Variants in MAGI2 observed in about 807,000 individuals in gnomAD.
MAGI2 encodes membrane associated guanylate kinase, WW and PDZ domain containing 2.
A neutral mutation model predicts 133.3 loss-of-function variants in MAGI2; 35 were observed. The ratio of observed to expected loss-of-function variants is 0.26; its 90% CI spans 0.20 to 0.35. The LOEUF (loss-of-function observed/expected upper bound fraction) is 0.35, where lower values mean the gene tolerates loss of function less well. MAGI2 is among the 10% of genes least tolerant of loss of function. The probability of loss-of-function intolerance (pLI) is 1.00; values close to 1 mark genes in which losing one functional copy is unlikely to be tolerated. For missense variants in MAGI2, 1,636 were observed against 1,863.4 expected (o/e 0.88, Z 2.25); for synonymous variants, 729 against 710.6 (o/e 1.03, Z -0.41).
intron 2 of MAGI2, among the ~76,000 whole-genome samples, chr7:78,981,237 G>C (rs887309857): frequency 1.3e-5 from 2 of 151,494 alleles, no homozygotes; most frequent in Non-Finnish European, 3.0e-5. Flanking sequence ...TTTTTACCTA[G>C]TGTCTCCTTC....
At chr7:78,378,985 A>G (rs1230265524) in intron 6 of MAGI2, among the ~76,000 whole-genome samples, 1 of 152,090 alleles carries the variant, frequency 6.6e-6, no homozygotes, top group Admixed American at 6.6e-5. Flanking sequence ...TTTAAAATTG[A>G]CAATTGAATA....
intron 6 of MAGI2, among the ~76,000 whole-genome samples, chr7:78,431,024 C>T (rs1220401335): frequency 1.3e-5 from 2 of 151,658 alleles, no homozygotes; most frequent in Non-Finnish European, 2.9e-5. Context: ...GTATTATAGA[C>T]TTATAGCTTC....
intron 2 of MAGI2, among the ~76,000 whole-genome samples, chr7:78,783,542 A>G (rs1211352864): frequency 6.6e-6 from 1 of 152,246 alleles, no homozygotes; most frequent in Non-Finnish European, 1.5e-5. Context: ...ATGTTTTTAA[A>G]TTGGTTTCTA....
intron 6 of MAGI2, among the ~76,000 whole-genome samples, chr7:78,471,308 T>G (rs1222976580): frequency 6.6e-6 from 1 of 152,138 alleles, no homozygotes; most frequent in Non-Finnish European, 1.5e-5. Context: ...GATTTAATTT[T>G]CAATGCCTTC....
chr7:78,844,815 G>A (rs775062944), intron 2 of MAGI2, among the ~76,000 whole-genome samples: 5 of 150,924 alleles, frequency 3.3e-5, no homozygotes, highest in Non-Finnish European at 7.4e-5. Context: ...CATATGAATT[G>A]TATCTCAATA....
intron 2 of MAGI2, among the ~76,000 whole-genome samples, chr7:78,710,239 AG>A (rs11296224): frequency 0.36 from 54,066 of 152,054 alleles, 9,923 homozygotes; most frequent in Middle Eastern, 0.43. Flanking sequence ...GTTAGTACCT[AG>A]TCCAAATTCA....
At chr7:78,634,622 A>G (rs1369615254) in intron 2 of MAGI2, among the ~76,000 whole-genome samples, 2 of 152,212 alleles carry the variant, frequency 1.3e-5, no homozygotes, top group Non-Finnish European at 2.9e-5. Context: ...CTGGGGAAAC[A>G]AGTTAAATTT....
chr7:78,853,936 A>G (rs143953819), intron 2 of MAGI2, among the ~76,000 whole-genome samples: 328 of 145,896 alleles, frequency 2.2e-3, no homozygotes, highest in African/African-American at 8.0e-3. Context: ...CAGAAAATCT[A>G]CTGCTGTTAT....
chr7:78,941,728 TCACACACACACACACACACA>T (rs3068585), intron 2 of MAGI2, among the ~76,000 whole-genome samples: 1 of 123,462 alleles, frequency 8.1e-6, no homozygotes, highest in South Asian at 2.9e-4. Context: ...GCCTATTTCA[TCACACACACACACACACACA>T]CACACACACA....
At chr7:78,532,197 C>G (rs1797527403) in intron 3 of MAGI2, among the ~76,000 whole-genome samples, 1 of 152,154 alleles carries the variant, frequency 6.6e-6, no homozygotes, top group Non-Finnish European at 1.5e-5. Flanking sequence ...CTCCAAAATT[C>G]TGTAATGAAA....
At chr7:79,382,626 A>G (rs1016224522) in intron 1 of MAGI2, among the ~76,000 whole-genome samples, 10 of 151,678 alleles carry the variant, frequency 6.6e-5, no homozygotes, top group Non-Finnish European at 1.5e-5. Context: ...TGTTTTTGTA[A>G]GGTTTAAATG....
chr7:78,765,655 T>C (rs1396098037), intron 2 of MAGI2, among the ~76,000 whole-genome samples: 1 of 152,120 alleles, frequency 6.6e-6, no homozygotes, highest in East Asian at 1.9e-4. Flanking sequence ...CCCTAGTGCA[T>C]ATCTTATATC....
chr7:79,439,541 A>G (rs1455566168), intron 1 of MAGI2, among the ~76,000 whole-genome samples: 1 of 152,098 alleles, frequency 6.6e-6, no homozygotes, highest in Non-Finnish European at 1.5e-5. Flanking sequence ...CACACTGAGC[A>G]CAGTGTTTTA....
intron 1 of MAGI2, among the ~76,000 whole-genome samples, chr7:79,408,870 T>C (rs1407622609): frequency 6.6e-6 from 1 of 152,174 alleles, no homozygotes; most frequent in Non-Finnish European, 1.5e-5. Flanking sequence ...AAGATGTGAA[T>C]TCTAAGATAA....
At chr7:78,243,226 C>T (rs1791347635) in intron 10 of MAGI2, among the ~76,000 whole-genome samples, 1 of 113,506 alleles carries the variant, frequency 8.8e-6, no homozygotes, top group Non-Finnish European at 1.7e-5. Flanking sequence ...GGTTCAGATA[C>T]ACACACACAC....
chr7:79,382,736 T>C (rs949688012), intron 1 of MAGI2, among the ~76,000 whole-genome samples: 8 of 151,668 alleles, frequency 5.3e-5, no homozygotes, highest in Non-Finnish European at 1.2e-4. Flanking sequence ...AAAAACTCTA[T>C]ATTGGAATAG....
At chr7:78,099,027 G>T (rs1423148923) in intron 20 of MAGI2, among the ~76,000 whole-genome samples, 5 of 151,900 alleles carry the variant, frequency 3.3e-5, no homozygotes, top group African/African-American at 1.2e-4. Flanking sequence ...AAATACAAAT[G>T]ATTTCCAAAG....
intron 1 of MAGI2, among the ~76,000 whole-genome samples, chr7:79,181,793 C>A (rs1826645543): frequency 1.3e-5 from 2 of 152,008 alleles, no homozygotes; most frequent in African/African-American, 4.8e-5. Flanking sequence ...GCACCCAAGT[C>A]ATCTCTTGAA....
chr7:78,111,678 T>C (rs1441093131), intron 20 of MAGI2, among the ~76,000 whole-genome samples: 1 of 152,216 alleles, frequency 6.6e-6, no homozygotes, highest in African/African-American at 2.4e-5. Flanking sequence ...AGGTAATGGA[T>C]TTGATCTCTG....
Sources: allele counts gnomAD v4.1 joint callset (sites outside exome capture counted in the v4.1 genomes callset), GRCh38; gene constraint gnomAD v4.1.1; transcripts MANE v1.5; gene names NCBI Gene and HGNC (gene_info 2026-07-23, HGNC 2026-07-21).